EYA2: variants seen among roughly 807,000 people sequenced by gnomAD.
EYA2 encodes protein phosphatase EYA2.
Under a neutral mutation model 69.2 loss-of-function variants are expected in EYA2, and 31 were observed. The ratio of observed to expected loss-of-function variants is 0.45; its 90% CI spans 0.34 to 0.60. The LOEUF (loss-of-function observed/expected upper bound fraction) is 0.60. Ranked by LOEUF, EYA2 falls within the 20% of genes least tolerant of loss-of-function variation. EYA2 has a pLI of 0.02. For synonymous variants in EYA2, 257 were observed against 279.4 expected, an observed-to-expected ratio of 0.92 and a Z score of 0.80; for missense variants, 622 against 701.2, an observed-to-expected ratio of 0.89 and a Z score of 1.28.
intron 9 of EYA2, among the ~76,000 whole-genome samples, chr20:47,129,962 G>C (rs936119434): frequency 5.3e-5 from 8 of 152,038 alleles, no homozygotes; most frequent in Non-Finnish European, 1.2e-4. Context: ...AAGTGCTAGA[G>C]CCCTCAGGTC....
chr20:47,083,324 C>G (rs904893599), intron 7 of EYA2, among the ~76,000 whole-genome samples: 10 of 152,172 alleles, frequency 6.6e-5, no homozygotes, highest in Non-Finnish European at 1.5e-4. Context: ...CGCCTGTAAT[C>G]CCAGCATTTT....
chr20:47,016,558 GC>G (rs1460683155), intron 5 of EYA2, among the ~76,000 whole-genome samples: 2 of 152,196 alleles, frequency 1.3e-5, no homozygotes, highest in African/African-American at 2.4e-5. Context: ...CCTGGTCTTT[GC>G]ATAAAGAGTG....
intron 5 of EYA2, among the ~76,000 whole-genome samples, chr20:47,058,890 G>C (rs2030755484): frequency 6.6e-6 from 1 of 152,104 alleles, no homozygotes; most frequent in Admixed American, 6.5e-5. Context: ...CGGCAACATG[G>C]GTGGGTCTTA....
At chr20:47,019,233 G>A (rs1391774570) in intron 5 of EYA2, among the ~76,000 whole-genome samples, 2 of 151,890 alleles carry the variant, frequency 1.3e-5, no homozygotes, top group African/African-American at 4.8e-5. Context: ...CTCTCTTCTC[G>A]CCCTACCATG....
intron 9 of EYA2, among the ~76,000 whole-genome samples, chr20:47,120,252 T>A (rs6094600): frequency 0.23 from 35,552 of 151,946 alleles, 4,467 homozygotes; most frequent in Middle Eastern, 0.33. Context: ...GGCGTGTGCC[T>A]GTGGTCCCAG....
At chr20:47,160,640 G>A (rs938596713) in intron 10 of EYA2, among the ~76,000 whole-genome samples, 2 of 152,160 alleles carry the variant, frequency 1.3e-5, no homozygotes, top group African/African-American at 4.8e-5. Flanking sequence ...CAGTGCCTAG[G>A]CCAGTGTTGG....
intron 9 of EYA2, among the ~76,000 whole-genome samples, chr20:47,128,529 G>GA (rs559492759): frequency 0.035 from 4,985 of 142,120 alleles, 112 homozygotes; most frequent in Non-Finnish European, 0.048. Context: ...AGGCATTTAC[G>GA]AAAAAAAAAA....
At chr20:46,996,176 G>A (rs1982008304) in intron 2 of EYA2, among the ~76,000 whole-genome samples, 1 of 152,212 alleles carries the variant, frequency 6.6e-6, no homozygotes, top group African/African-American at 2.4e-5. Flanking sequence ...GCTTCACACA[G>A]TCACTCACAT....
At chr20:47,162,484 T>C (rs903762534) in intron 10 of EYA2, among the ~76,000 whole-genome samples, 3 of 152,062 alleles carry the variant, frequency 2.0e-5, no homozygotes, top group Admixed American at 1.3e-4. Context: ...TTGTAATTAA[T>C]TTTTTTCAAA....
chr20:47,087,703 C>G (rs1252727948), intron 7 of EYA2, among the ~76,000 whole-genome samples: 1 of 152,142 alleles, frequency 6.6e-6, no homozygotes. Flanking sequence ...GTGTGACAGC[C>G]TCTCAGTGGG....
Position 47,089,232 on chromosome 20 carries a change from A to T in EYA2, c.662-7A>T, listed in dbSNP as rs757448402. On this transcript the variant is annotated splice_polypyrimidine_tract_variant and splice_region_variant and intron_variant, in intron 7 of 15. Coordinates refer to ENST00000327619, the MANE Select transcript of EYA2 (RefSeq NM_005244.5). ...TGATTTGTCCACCATTCCCTTTCTT[A>T]CGCCAGGTGAATACAACACACACAA... is the stretch of plus-strand genomic sequence containing the variant. The T allele has an allele frequency of 6.2e-7, 1 of 1,612,978 alleles. No individual in the cohort carries two copies. The highest frequency in any genetic ancestry group is 8.5e-7 in the Non-Finnish European group (1 of 1,179,414).
intron 1 of EYA2, among the ~76,000 whole-genome samples, chr20:46,931,901 T>C (rs1191196268): frequency 6.6e-6 from 1 of 151,460 alleles, no homozygotes; most frequent in Non-Finnish European, 1.5e-5. Context: ...TGGAACTGTC[T>C]TTGCACATGG....
intron 1 of EYA2, among the ~76,000 whole-genome samples, chr20:46,973,285 A>G (rs1385536000): frequency 6.6e-6 from 1 of 152,266 alleles, no homozygotes; most frequent in Non-Finnish European, 1.5e-5. Flanking sequence ...GAGATATTCT[A>G]CAACACAACT....
intron 1 of EYA2, among the ~76,000 whole-genome samples, chr20:46,949,959 CAA>C (rs140525412): frequency 0.019 from 2,912 of 152,276 alleles, 85 homozygotes; most frequent in African/African-American, 0.067. Flanking sequence ...TAGCATGACA[CAA>C]AGAGGCTGAG....
chr20:47,151,285 C>A (rs2033817422), intron 10 of EYA2, among the ~76,000 whole-genome samples: 2 of 151,698 alleles, frequency 1.3e-5, no homozygotes, highest in Non-Finnish European at 2.9e-5. Flanking sequence ...GCAGGAGAAT[C>A]GCTTGAAACC....
chr20:47,058,942 T>C (rs1487605659), intron 5 of EYA2, among the ~76,000 whole-genome samples: 1 of 152,136 alleles, frequency 6.6e-6, no homozygotes, highest in African/African-American at 2.4e-5. Flanking sequence ...CACAAAACAA[T>C]ACACACAGAA....
chr20:47,028,115 G>C (rs947929829), intron 5 of EYA2, among the ~76,000 whole-genome samples: 1 of 152,156 alleles, frequency 6.6e-6, no homozygotes, highest in Non-Finnish European at 1.5e-5. Flanking sequence ...CGACCTCCTT[G>C]TCTCTCCCTG....
chr20:47,132,274 C>G (rs1339608701), intron 9 of EYA2, among the ~76,000 whole-genome samples: 1 of 152,060 alleles, frequency 6.6e-6, no homozygotes, highest in African/African-American at 2.4e-5. Flanking sequence ...GAGGGAGTAG[C>G]CAAATTAAAG....
At chr20:47,081,421 A>C (rs557376447) in intron 7 of EYA2, among the ~76,000 whole-genome samples, 2 of 152,110 alleles carry the variant, frequency 1.3e-5, no homozygotes, top group East Asian at 3.9e-4. Context: ...CATCATAAAT[A>C]TACACAATTT....
Sources: gnomAD v4.1 joint callset for allele counts (sites outside exome capture counted in the v4.1 genomes callset) on GRCh38, gnomAD v4.1.1 for gene constraint, MANE v1.5 for transcripts, NCBI Gene and HGNC (gene_info 2026-07-23, HGNC 2026-07-21) for gene names.